Variants in IQANK1 observed in about 807,000 individuals in gnomAD.
The protein encoded by IQANK1 is IQ motif and ankyrin repeat domain-containing protein 1.
Under a neutral mutation model 22.6 loss-of-function variants are expected in IQANK1, and 30 were observed. The observed-to-expected ratio is 1.33, with a 90% CI of 0.99 to 1.80. The LOEUF is 1.80. Ranked by LOEUF, IQANK1 falls within the 40% of genes most tolerant of loss-of-function variation. The pLI is 0.00. For synonymous variants in IQANK1, 122 were observed against 99.6 expected (o/e 1.23, Z -1.34); for missense variants, 275 against 235.2 (o/e 1.17, Z -1.11).
chr8:143,750,992 T>G (rs1819177948), intron 3 of IQANK1, among the ~76,000 whole-genome samples: 1 of 151,690 alleles, frequency 6.6e-6, no homozygotes, highest in Non-Finnish European at 1.5e-5. Flanking sequence ...ATGTTTCAAT[T>G]TCTTCCTCAA....
At chr8:143,740,486 C>G (rs1382562834) in intron 3 of IQANK1, among the ~76,000 whole-genome samples, 2 of 152,248 alleles carry the variant, frequency 1.3e-5, no homozygotes, top group Admixed American at 6.5e-5. Flanking sequence ...CGTCGTCGGT[C>G]TCCACGCACC....
intron 2 of IQANK1, among the ~76,000 whole-genome samples, chr8:143,738,787 C>T (rs375875066): frequency 2.6e-5 from 4 of 151,654 alleles, no homozygotes; most frequent in Non-Finnish European, 5.9e-5. Context: ...GCATCCTGGT[C>T]GCACTGACCC....
intron 3 of IQANK1, chr8:143,745,103 C>A (rs1408340666): frequency 1.3e-5 from 2 of 152,332 alleles, no homozygotes; most frequent in Non-Finnish European, 2.9e-5. Context: ...GAGTGGTTGG[C>A]ATGCTTTGTA....
intron 3 of IQANK1, among the ~76,000 whole-genome samples, chr8:143,756,307 C>T (rs1554628466): frequency 6.6e-6 from 1 of 152,162 alleles, no homozygotes; most frequent in Non-Finnish European, 1.5e-5. Context: ...ACACTCCTGA[C>T]TTAAGGCTGG....
Position 143,739,844 on chromosome 8 carries a change from G to A in IQANK1, c.86-15G>A, listed in dbSNP as rs1339842406. ...GTCTCTCATCCCAAGCTCACTGACG[G>A]TCGTTTTCCCTTAGGGAAGCCCGGG... On this transcript the variant is annotated splice_polypyrimidine_tract_variant and intron_variant, in intron 2 of 13. Coordinates refer to ENST00000527139, the MANE Select transcript of IQANK1 (RefSeq NM_001381874.1). 17 of 690,030 alleles carry A rather than the reference G, an allele frequency of 2.5e-5. No homozygotes were observed. The highest frequency in any genetic ancestry group is 4.0e-5 in the Non-Finnish European group (15 of 378,500). The allele number at this position is 690,030 out of a possible 1,614,324, so 42.7% of individuals were successfully genotyped here. A position where few individuals can be genotyped will look rare whatever the true frequency, so the allele number is the denominator to read the frequency against.
Position 143,773,330 on chromosome 8 carries a change from A to C in IQANK1, c.789+848A>C, listed in dbSNP as rs548100479. On this transcript the variant is annotated intron_variant, in intron 7 of 13. Coordinates refer to ENST00000527139, the MANE Select transcript of IQANK1 (RefSeq NM_001381874.1). ...AAAAAAAAAAAACAAAAAAAACACA[A>C]AAAAAACAGAGTCTGCCCTGGGCCA... 2.3e-4 allele frequency among the ~76,000 whole-genome samples: 35 copies of C among 150,804 alleles called. No individual in the cohort carries two copies. The East Asian group carries it at 5.6e-3, about 24-fold the overall frequency.
chr8:143,790,290 C>G lies in IQANK1; in HGVS notation c.1424+19C>G. On this transcript the variant is annotated intron_variant, in intron 13 of 13. Transcript: ENST00000527139. ...CTCTGCGGTGAGGCAGGCAGGGTGA[C>G]AGGTACACCCCACCCCACCTCCCTA... The G allele has an allele frequency of 9.7e-6, 12 of 1,232,008 alleles. No individual in the cohort carries two copies. The South Asian group carries it at 4.5e-4, about 46-fold the overall frequency. The allele number at this position is 1,232,008 out of a possible 1,614,324, so 76.3% of individuals were successfully genotyped here. A position where few individuals can be genotyped will look rare whatever the true frequency, so the allele number is the denominator to read the frequency against.
chr8:143,759,222 TG>T, intron 3 of IQANK1: 1 of 207,888 alleles, frequency 4.8e-6, no homozygotes, highest in Non-Finnish European at 1.0e-5. Context: ...ACTAGGGCTG[TG>T]GACGTTACAG....
intron 7 of IQANK1, among the ~76,000 whole-genome samples, chr8:143,786,036 ATTTG>A (rs1819882109): frequency 6.6e-6 from 1 of 150,900 alleles, no homozygotes; most frequent in Non-Finnish European, 1.5e-5. Flanking sequence ...AATTTTTTTT[ATTTG>A]TTTGTAGAGA....
At chr8:143,772,816 T>C (rs1186661432) in intron 7 of IQANK1, among the ~76,000 whole-genome samples, 3 of 152,216 alleles carry the variant, frequency 2.0e-5, no homozygotes, top group African/African-American at 7.2e-5. Flanking sequence ...GTGCTTTGCC[T>C]GAGGAAGTGG....
chr8:143,756,496 A>G (rs570497756), intron 3 of IQANK1, among the ~76,000 whole-genome samples: 1 of 152,064 alleles, frequency 6.6e-6, no homozygotes, highest in Non-Finnish European at 1.5e-5. Flanking sequence ...CCAGTTTCTT[A>G]TGTTTCATCT....
At chr8:143,737,588 T>C (rs577973867) in intron 2 of IQANK1, among the ~76,000 whole-genome samples, 247 of 152,276 alleles carry the variant, frequency 1.6e-3, no homozygotes, top group Middle Eastern at 6.8e-3. Context: ...GTTGCTGCAG[T>C]GGCCACCGCA....
chr8:143,769,730 C>T (rs1011878465), intron 3 of IQANK1, among the ~76,000 whole-genome samples: 2 of 152,180 alleles, frequency 1.3e-5, no homozygotes, highest in Admixed American at 1.3e-4. Flanking sequence ...CCTCGTTCTT[C>T]ATTTCCTCAG....
intron 3 of IQANK1, among the ~76,000 whole-genome samples, chr8:143,766,394 G>C (rs994443813): frequency 5.9e-5 from 9 of 152,022 alleles, no homozygotes; most frequent in Non-Finnish European, 1.3e-4. Flanking sequence ...ATTTTTGCTG[G>C]GCATGGTGGC....
At chr8:143,743,217 T>G (rs1439309845) in intron 3 of IQANK1, 1 of 360,500 alleles carries the variant, frequency 2.8e-6, no homozygotes, top group African/African-American at 2.1e-5. Flanking sequence ...TGGTTTGGGT[T>G]TTTGTTTTGT....
intron 3 of IQANK1, among the ~76,000 whole-genome samples, chr8:143,755,010 A>G (rs1418070259): frequency 6.6e-6 from 1 of 152,164 alleles, no homozygotes; most frequent in Non-Finnish European, 1.5e-5. Context: ...GTTAGAAGCA[A>G]GTCACAGGTC....
rs1213504013 is a variant in IQANK1 at position 143,771,245 on chromosome 8, G to A, written c.176-243G>A. Among the ~76,000 whole-genome samples, 1 of 152,160 alleles carries A rather than the reference G, an allele frequency of 6.6e-6. No homozygotes were observed. Among genetic ancestry groups the A allele is most frequent in the Non-Finnish European group, 1.5e-5 (1 of 68,006 alleles). On this transcript the variant is annotated intron_variant, in intron 3 of 13. Transcript: ENST00000527139. The surrounding 1 kb of genome is among the most constrained non-coding windows in gnomAD (Gnocchi z 6.0). ...GCTCGGCGGGGCTCGCAGGATCCCCGGCGGCGTGGGGCGGGGGAGGTTCCC... is the reference window on the plus strand; with the variant it reads ...GCTCGGCGGGGCTCGCAGGATCCCCAGCGGCGTGGGGCGGGGGAGGTTCCC...
rs1819651382 is a variant in IQANK1 at position 143,774,658 on chromosome 8, T to C, written c.789+2176T>C. Among the ~76,000 whole-genome samples, 1 of 152,100 alleles carries C rather than the reference T, an allele frequency of 6.6e-6. No individual in the cohort carries two copies. ...CAGCATCAGACTCCTAGACATTTGC[T>C]CCAGTAAAAGGAAAACTAGGTCCAC... is the stretch of plus-strand genomic sequence containing the variant. On this transcript the variant is annotated intron_variant, in intron 7 of 13. Transcript: ENST00000527139. The surrounding 1 kb of genome is among the most constrained non-coding windows in gnomAD (Gnocchi z 4.2).
chr8:143,762,309 A>AAAGG (rs1173151205), intron 3 of IQANK1, among the ~76,000 whole-genome samples: 3 of 149,590 alleles, frequency 2.0e-5, no homozygotes, highest in South Asian at 2.1e-4. Flanking sequence ...AACTCCATCT[A>AAAGG]AAGGAAGGAA....
Sources: allele counts gnomAD v4.1 joint callset (sites outside exome capture counted in the v4.1 genomes callset), GRCh38; gene constraint gnomAD v4.1.1; non-coding constraint Gnocchi (gnomAD v3.1); transcripts MANE v1.5; gene names NCBI Gene and HGNC (gene_info 2026-07-23, HGNC 2026-07-21).